Variants in CILP observed in about 807,000 individuals in gnomAD.
CILP encodes cartilage intermediate layer protein.
Under a neutral mutation model 82.5 loss-of-function variants are expected in CILP, and 75 were observed. The observed-to-expected ratio is 0.91, with a 90% CI of 0.75 to 1.10. The LOEUF (loss-of-function observed/expected upper bound fraction) is 1.10, where lower values mean the gene tolerates loss of function less well. CILP is among the 50% of genes least tolerant of loss of function. The pLI is 0.00. For synonymous variants in CILP, 530 were observed against 580.3 expected (o/e 0.91, Z 1.25); for missense variants, 1,479 against 1,530.8 (o/e 0.97, Z 0.56).
chr15:65,198,186 T>C lies in CILP; in HGVS notation c.2100A>G (p.Ser700=). The C allele has an allele frequency of 1.2e-6, 2 of 1,614,230 alleles. No homozygotes were observed. Among genetic ancestry groups the C allele is most frequent in the Non-Finnish European group, 1.7e-6 (2 of 1,180,050 alleles). Reference sequence around the variant, plus strand: ...CCCACAGCCCTGTGTCTGGATTGAGTGACCAGAGTTTCACTGTGGATATGT... The same window carrying C: ...CCCACAGCCCTGTGTCTGGATTGAGCGACCAGAGTTTCACTGTGGATATGT... ...PEHISTVKLW[S]LNPDTGLWEE... Residue 700 remains serine (S), a synonymous_variant, in exon 9 of 9, where the codon TCA becomes TCG. Transcript: ENST00000261883.
intron 4 of CILP, 124 bp from the exon 5 acceptor site, chr15:65,205,590 T>A (rs1213813770): frequency 2.1e-6 from 2 of 966,778 alleles, no homozygotes; most frequent in Non-Finnish European, 3.0e-6. Flanking sequence ...TAGATGTCAC[T>A]GATATTTATA....
chr15:65,207,175 A>T lies in CILP; in HGVS notation c.155-124T>A, dbSNP rs1009242967. ...CATTTGTCTCTCCAGTATCTCTCCA[A>T]TCCCCTCTTACACCTGCCACTGCTG... is the stretch of plus-strand genomic sequence containing the variant. On this transcript the variant is annotated intron_variant, in intron 3 of 8. Transcript: ENST00000261883. 75 of 1,075,836 alleles carry T rather than the reference A, an allele frequency of 7.0e-5. 1 individual carries two copies. The highest frequency in any genetic ancestry group is 2.9e-4 in the Middle Eastern group (1 of 3,488). The allele number at this position is 1,075,836 out of a possible 1,614,324, so 66.6% of individuals were successfully genotyped here.
intron 7 of CILP, among the ~76,000 whole-genome samples, chr15:65,203,037 A>T (rs1450416642): frequency 6.6e-6 from 1 of 151,740 alleles, no homozygotes; most frequent in Non-Finnish European, 1.5e-5. Context: ...GGGCTTTACT[A>T]TGTTGTCCAG....
chr15:65,202,093 G>T, intron 7 of CILP, 64 bp from the exon 8 acceptor site: 1 of 1,377,200 alleles, frequency 7.3e-7, no homozygotes, highest in Non-Finnish European at 9.7e-7. Context: ...CTAGAAAAGT[G>T]CCAGGAGCAG....
intron 2 of CILP, among the ~76,000 whole-genome samples, chr15:65,209,012 C>CTTTTTTTTTTTGTT (rs2088554964): frequency 1.4e-5 from 1 of 69,982 alleles, no homozygotes; most frequent in Non-Finnish European, 2.4e-5. Flanking sequence ...GGGTTTTGAG[C>CTTTTTTTTTTTGTT]TTTTTTTTTT....
Position 65,198,416 on chromosome 15 carries a change from C to T in CILP, c.1870G>A (p.Val624Met). The T allele has an allele frequency of 6.2e-7, 1 of 1,614,246 alleles. No individual in the cohort carries two copies. Among genetic ancestry groups the T allele is most frequent in the Non-Finnish European group, 8.5e-7 (1 of 1,180,042 alleles). The change falls in exon 9 of 9, where the codon GTG (valine) becomes ATG (methionine). Residue 624 changes from valine to methionine, a missense_variant. Physicochemically the swap from Val to Met is conservative, Grantham distance 21. Transcript: ENST00000261883. The part of the protein sequence containing the change: ...EPYIGKVKAS[V>M]TFLDPRNIST... Reference sequence around the variant, plus strand: ...ATATTCCGGGGATCCAGGAAGGTCACACTGGCCTTCACTTTTCCTATGTAG... The same window carrying T: ...ATATTCCGGGGATCCAGGAAGGTCATACTGGCCTTCACTTTTCCTATGTAG...
At position 65,205,294 on chromosome 15, in the gene CILP, G is replaced by A; in HGVS notation, c.597C>T (p.Asp199=). 3.7e-6 allele frequency: 6 copies of A among 1,612,996 alleles called. No homozygotes were observed. Among genetic ancestry groups the A allele is most frequent in the Non-Finnish European group, 5.1e-6 (6 of 1,179,420 alleles). Residue 199 remains aspartate (D), a synonymous_variant, in exon 5 of 9, where the codon GAC becomes GAT. Transcript: ENST00000261883. ...CAGGAGGGAGGGTGGTACCTGTACA[G>A]TCCTGGCCCATGCAGTGCTGACCCT... The part of the protein sequence containing the change: ...SEEGQHCMGQ[D]CTACDLTCPM...
intron 5 of CILP, 123 bp downstream of exon 5, chr15:65,205,164 G>GCTCTCCGTGC: frequency 2.2e-6 from 2 of 914,470 alleles, no homozygotes; most frequent in Non-Finnish European, 3.4e-6. Flanking sequence ...TAGATGCTCA[G>GCTCTCCGTGC]TTAATACGTG....
intron 1 of CILP, among the ~76,000 whole-genome samples, chr15:65,210,681 C>T (rs1379470655): frequency 6.6e-6 from 1 of 152,206 alleles, no homozygotes; most frequent in Non-Finnish European, 1.5e-5. Context: ...AAGTGGTTCC[C>T]TTCAACATCC....
Position 65,201,857 on chromosome 15 carries a change from C to A in CILP, c.1186+15G>T. 1 of 1,484,800 alleles carries A rather than the reference C, an allele frequency of 6.7e-7. No individual in the cohort carries two copies. Among genetic ancestry groups the A allele is most frequent in the Non-Finnish European group, 9.0e-7 (1 of 1,115,002 alleles). 92.0% of individuals were successfully genotyped at this position (1,484,800 alleles called of 1,614,324 possible). ...GTTGCAGACCCAGGGGCCCCAGGGA[C>A]CCAGACAGGCTTACCTATGACAATC... On this transcript the variant is annotated intron_variant, in intron 8 of 8. Transcript: ENST00000261883.
Position 65,198,486 on chromosome 15 carries a change from T to A in CILP, c.1800A>T (p.Glu600Asp). The change falls in exon 9 of 9, where the codon GAA (glutamate) becomes GAT (aspartate). Residue 600 changes from glutamate to aspartate, a missense_variant. Glu to Asp is a conservative substitution (Grantham distance 45, BLOSUM62 2). Coordinates refer to ENST00000261883, the MANE Select transcript of CILP (RefSeq NM_003613.4). ...AGAAACTCCTGGATGGAATCTCCAG[T>A]TCAGCCATGGGGTCTTCACCAACCA... ...GEVVGEDPMA[E>D]LEIPSRSFYR... The A allele has an allele frequency of 6.2e-7, 1 of 1,614,198 alleles. No individual in the cohort carries two copies. Among genetic ancestry groups the A allele is most frequent in the Middle Eastern group, 1.6e-4 (1 of 6,062 alleles).
At chr15:65,207,615 T>C (rs1337541176) in intron 3 of CILP, 57 bp downstream of exon 3, 1 of 1,491,004 alleles carries the variant, frequency 6.7e-7, no homozygotes, top group Non-Finnish European at 9.3e-7. Flanking sequence ...GAGATCCACT[T>C]CGGAAGCTCG....
rs773000892 is a variant in CILP at position 65,207,646 on chromosome 15, C to A, written c.154+26G>T. 1.9e-6 allele frequency: 3 copies of A among 1,604,540 alleles called. No individual in the cohort carries two copies. In the South Asian group the frequency reaches 3.3e-5, roughly 18 times the overall value. On this transcript the variant is annotated intron_variant, in intron 3 of 8. Transcript: ENST00000261883. The stretch of plus-strand genomic sequence containing the variant: ...GCTCGTTAAAGGCTGCCCCTCCAGC[C>A]CCTCCCTGCTTCAGCCACAACTCAC...
chr15:65,196,553 T>C lies in CILP; in HGVS notation c.*178A>G. 1 of 511,016 alleles carries C rather than the reference T, an allele frequency of 2.0e-6. No individual in the cohort carries two copies. Among genetic ancestry groups the C allele is most frequent in the East Asian group, 3.2e-5 (1 of 31,552 alleles). The allele number at this position is 511,016 out of a possible 1,614,324, so 31.7% of individuals were successfully genotyped here. On this transcript the variant is annotated 3_prime_UTR_variant, in exon 9 of 9. Coordinates refer to ENST00000261883, the MANE Select transcript of CILP (RefSeq NM_003613.4). ...TTCACAAAGGGGCTTTATTGTGCCA[T>C]TGTGGGGGCCACGTGCCAATCAGTA...
chr15:65,198,549 C>T lies in CILP; in HGVS notation c.1737G>A (p.Leu579=), dbSNP rs2088409271. 1 of 1,614,100 alleles carries T rather than the reference C, an allele frequency of 6.2e-7. No homozygotes were observed. The highest frequency in any genetic ancestry group is 1.3e-5 in the African/African-American group (1 of 74,938). Residue 579 remains leucine (L), a synonymous_variant, in exon 9 of 9, where the codon TTG becomes TTA. Coordinates refer to ENST00000261883, the MANE Select transcript of CILP (RefSeq NM_003613.4). ...KMLRRKKPIT[L]EAMETNIIPL... The stretch of plus-strand genomic sequence containing the variant: ...GGATGATGTTGGTCTCCATGGCTTC[C>T]AAAGTGATGGGCTTTTTCCGACGAA...
chr15:65,209,986 C>A, intron 1 of CILP, 125 bp from the exon 2 acceptor site: 1 of 491,254 alleles, frequency 2.0e-6, no homozygotes, highest in Non-Finnish European at 3.7e-6. Context: ...TGATATCTGC[C>A]TGAGTTGTGA....
At chr15:65,199,705 C>G (rs1219837674) in intron 8 of CILP, among the ~76,000 whole-genome samples, 1 of 152,168 alleles carries the variant, frequency 6.6e-6, no homozygotes, top group Non-Finnish European at 1.5e-5. Flanking sequence ...CGCCTGTAGT[C>G]CCAGCTACTC....
Position 65,198,849 on chromosome 15 carries a change from C to A in CILP, c.1437G>T (p.Glu479Asp), listed in dbSNP as rs766715451. The A allele has an allele frequency of 3.0e-5, 49 of 1,614,036 alleles. No homozygotes were observed. Among genetic ancestry groups the A allele is most frequent in the Non-Finnish European group, 3.9e-5 (46 of 1,180,054 alleles). Reference sequence around the variant, plus strand: ...TTTCCGTACACCGCTGGCAGCTGCACTCCTTGGCCACCTTGGTGGGTAGCG... The same window carrying A: ...TTTCCGTACACCGCTGGCAGCTGCAATCCTTGGCCACCTTGGTGGGTAGCG... ...GYTLPTKVAK[E>D]CSCQRCTETR... The change falls in exon 9 of 9, where the codon GAG (glutamate) becomes GAT (aspartate). Residue 479 changes from glutamate to aspartate, a missense_variant. Transcript: ENST00000261883.
chr15:65,198,321 C>T lies in CILP; in HGVS notation c.1965G>A (p.Arg655=), dbSNP rs747538601. ...AGTCCACAGAGAACATGCCATACGT[C>T]CGAAGGGGGAAAGTGTCTCCTTCGT... ...INDEGDTFPL[R]TYGMFSVDFR... Residue 655 remains arginine (R), a synonymous_variant, in exon 9 of 9, where the codon CGG becomes CGA. Transcript: ENST00000261883. 20 of 1,614,088 alleles carry T rather than the reference C, an allele frequency of 1.2e-5. No homozygotes were observed. In the East Asian group the frequency reaches 4.2e-4, roughly 34 times the overall value.
Sources: allele counts gnomAD v4.1 joint callset (sites outside exome capture counted in the v4.1 genomes callset), GRCh38; gene constraint gnomAD v4.1.1; transcripts MANE v1.5; gene names NCBI Gene and HGNC (gene_info 2026-07-23, HGNC 2026-07-21).